The following HTR1F variants were observed in gnomAD, a reference collection of about 807,000 sequenced individuals.
HTR1F encodes 5-hydroxytryptamine (serotonin) receptor 1F, G protein-coupled.
In HTR1F, 17 loss-of-function variants were observed where a neutral mutation model predicts 24.0. The observed-to-expected ratio is 0.71, with a 90% CI of 0.48 to 1.06. The LOEUF (loss-of-function observed/expected upper bound fraction) is 1.06. HTR1F is among the 50% of genes least tolerant of loss of function. The pLI is 0.00. For missense variants in HTR1F, 391 were observed against 427.8 expected (o/e 0.91, Z 0.76); for synonymous variants, 186 against 156.8 (o/e 1.19, Z -1.39).
At chr3:87,852,516 T>C (rs1174111128) in intron 2 of HTR1F, among the ~76,000 whole-genome samples, 4 of 151,856 alleles carry the variant, frequency 2.6e-5, no homozygotes, top group Non-Finnish European at 5.9e-5. Flanking sequence ...CATTTTCTCC[T>C]ACCAAATTCT....
chr3:87,834,428 A>G (rs1297437106), intron 2 of HTR1F, among the ~76,000 whole-genome samples: 7 of 150,712 alleles, frequency 4.6e-5, no homozygotes, highest in Non-Finnish European at 1.0e-4. Flanking sequence ...TTTAGGAAAG[A>G]CTTAGTTCTT....
chr3:87,885,890 C>T (rs1024682814), intron 2 of HTR1F, among the ~76,000 whole-genome samples: 2 of 152,174 alleles, frequency 1.3e-5, no homozygotes, highest in African/African-American at 2.4e-5. Context: ...GACGGATTCT[C>T]AGCCGAATTC....
chr3:87,887,310 A>C (rs943972207), intron 2 of HTR1F, among the ~76,000 whole-genome samples: 6 of 152,312 alleles, frequency 3.9e-5, no homozygotes, highest in South Asian at 2.1e-4. Context: ...CTTACACCTT[A>C]TACAAAAATT....
chr3:87,879,366 G>T (rs755587710), intron 2 of HTR1F, among the ~76,000 whole-genome samples: 5 of 152,062 alleles, frequency 3.3e-5, no homozygotes, highest in Non-Finnish European at 7.4e-5. Context: ...TGTATATGAA[G>T]ATATTAAATG....
intron 2 of HTR1F, among the ~76,000 whole-genome samples, chr3:87,872,828 C>T (rs1705587324): frequency 2.0e-5 from 3 of 151,976 alleles, no homozygotes; most frequent in Non-Finnish European, 4.4e-5. Flanking sequence ...AAGCCCAACA[C>T]TAGATGGCTT....
intron 2 of HTR1F, among the ~76,000 whole-genome samples, chr3:87,906,411 T>C (rs1202332680): frequency 6.6e-6 from 1 of 152,128 alleles, no homozygotes; most frequent in East Asian, 1.9e-4. Flanking sequence ...AGAAAGAGAA[T>C]AATTTTTATA....
chr3:87,907,427 G>A (rs190155742), intron 2 of HTR1F, among the ~76,000 whole-genome samples: 38 of 150,950 alleles, frequency 2.5e-4, no homozygotes, highest in East Asian at 3.9e-4. Context: ...ATATTAGTCC[G>A]TTGTTGGATG....
chr3:87,806,446 AAT>A (rs1364051602), intron 1 of HTR1F, among the ~76,000 whole-genome samples: 1 of 152,012 alleles, frequency 6.6e-6, no homozygotes, highest in Non-Finnish European at 1.5e-5. Context: ...GGGGTAAAAC[AAT>A]AACTCACTGT....
At chr3:87,967,064 T>C (rs6785104) in intron 2 of HTR1F, among the ~76,000 whole-genome samples, 77,859 of 152,060 alleles carry the variant, frequency 0.51, 22,810 homozygotes, top group South Asian at 0.71. Context: ...ATGAAAATAT[T>C]GTCTATCCTA....
intron 2 of HTR1F, among the ~76,000 whole-genome samples, chr3:87,988,113 GAGCCCCA>G (rs1705719244): frequency 5.9e-5 from 9 of 151,844 alleles, no homozygotes; most frequent in Admixed American, 5.9e-4. Flanking sequence ...GTAGATTTTA[GAGCCCCA>G]AGCTCACCAG....
At chr3:87,894,562 T>TC (rs1260816726) in intron 2 of HTR1F, among the ~76,000 whole-genome samples, 3 of 137,260 alleles carry the variant, frequency 2.2e-5, no homozygotes, top group Non-Finnish European at 4.7e-5. Flanking sequence ...CCAGCCTCTT[T>TC]TTTTTTTTTT....
intron 1 of HTR1F, among the ~76,000 whole-genome samples, chr3:87,799,370 T>C (rs530043235): frequency 6.6e-6 from 1 of 152,316 alleles, no homozygotes; most frequent in East Asian, 1.9e-4. Context: ...TTTCTTTAAA[T>C]TGAATCATAT....
At chr3:87,857,140 G>A (rs1307440259) in intron 2 of HTR1F, among the ~76,000 whole-genome samples, 3 of 151,876 alleles carry the variant, frequency 2.0e-5, no homozygotes, top group Non-Finnish European at 4.4e-5. Context: ...AGAGCACAAT[G>A]AGTATCAGGT....
intron 1 of HTR1F, among the ~76,000 whole-genome samples, chr3:87,816,700 C>T (rs1489642953): frequency 6.6e-6 from 1 of 151,990 alleles, no homozygotes; most frequent in Non-Finnish European, 1.5e-5. Context: ...AAAAATATCT[C>T]CCCCACCTTC....
At chr3:87,813,919 C>G (rs1356381488) in intron 1 of HTR1F, among the ~76,000 whole-genome samples, 1 of 151,784 alleles carries the variant, frequency 6.6e-6, no homozygotes, top group African/African-American at 2.4e-5. Context: ...ATCAATTAAA[C>G]CTCTTTTTTT....
At chr3:87,967,618 T>G (rs531673692) in intron 2 of HTR1F, among the ~76,000 whole-genome samples, 6 of 152,138 alleles carry the variant, frequency 3.9e-5, no homozygotes, top group Admixed American at 3.9e-4. Context: ...TCCTGTGCTG[T>G]TCTCATGATA....
At chr3:87,846,162 G>A (rs1422042511) in intron 2 of HTR1F, among the ~76,000 whole-genome samples, 1 of 152,016 alleles carries the variant, frequency 6.6e-6, no homozygotes, top group Non-Finnish European at 1.5e-5. Flanking sequence ...GCCGGGTGCG[G>A]TGGCTCACGC....
intron 2 of HTR1F, among the ~76,000 whole-genome samples, chr3:87,967,496 C>T (rs148446104): frequency 2.0e-5 from 3 of 151,338 alleles, no homozygotes; most frequent in South Asian, 4.2e-4. Context: ...AGGAGTGATA[C>T]GGCTTGGCTG....
chr3:87,885,398 C>A (rs1705913181), intron 2 of HTR1F, among the ~76,000 whole-genome samples: 1 of 152,074 alleles, frequency 6.6e-6, no homozygotes, highest in Non-Finnish European at 1.5e-5. Context: ...CAGGAAAGAT[C>A]TAAAATTGAT....
Sources: gnomAD v4.1 joint callset for allele counts (sites outside exome capture counted in the v4.1 genomes callset) on GRCh38, gnomAD v4.1.1 for gene constraint, MANE v1.5 for transcripts, NCBI Gene and HGNC (gene_info 2026-07-23, HGNC 2026-07-21) for gene names.